Variants in EFNA5 observed in about 807,000 individuals in gnomAD.
The protein encoded by EFNA5 is ephrin A5.
Under a neutral mutation model 22.9 loss-of-function variants are expected in EFNA5, and 5 were observed. The ratio of observed to expected loss-of-function variants is 0.22; its 90% CI spans 0.11 to 0.46. The LOEUF is 0.46. Among genes scored for constraint, EFNA5 ranks in the 20% least tolerant of loss-of-function variants. EFNA5 has a pLI of 0.99. For missense variants in EFNA5, 237 were observed against 293.3 expected (o/e 0.81, Z 1.40); for synonymous variants, 113 against 112.2 (o/e 1.01, Z -0.04).
chr5:107,509,542 A>T (rs1292043234), intron 1 of EFNA5, among the ~76,000 whole-genome samples: 1 of 145,860 alleles, frequency 6.9e-6, no homozygotes, highest in Non-Finnish European at 1.5e-5. Context: ...CATGTTGGCC[A>T]AGCTGGTCTT....
At chr5:107,537,698 G>T (rs1343069728) in intron 1 of EFNA5, among the ~76,000 whole-genome samples, 1 of 152,166 alleles carries the variant, frequency 6.6e-6, no homozygotes, top group Non-Finnish European at 1.5e-5. Flanking sequence ...ACAAAAGTAA[G>T]GTTCAAAAAG....
At chr5:107,500,516 T>G (rs543737142) in intron 1 of EFNA5, among the ~76,000 whole-genome samples, 13 of 152,256 alleles carry the variant, frequency 8.5e-5, no homozygotes, top group Admixed American at 8.5e-4. Context: ...CTGACCTGAG[T>G]TCAATTTTTT....
At chr5:107,451,796 C>T (rs1292749747) in intron 1 of EFNA5, among the ~76,000 whole-genome samples, 4 of 152,094 alleles carry the variant, frequency 2.6e-5, no homozygotes, top group African/African-American at 4.8e-5. Context: ...TTAGTTCAAC[C>T]ATTGTGGAAG....
chr5:107,393,057 T>A (rs773079920), intron 2 of EFNA5, among the ~76,000 whole-genome samples: 1 of 152,262 alleles, frequency 6.6e-6, no homozygotes, highest in Non-Finnish European at 1.5e-5. Context: ...TAGCATGATG[T>A]CTCATTTTAA....
At chr5:107,546,480 T>C (rs1052384921) in intron 1 of EFNA5, among the ~76,000 whole-genome samples, 1 of 152,256 alleles carries the variant, frequency 6.6e-6, no homozygotes, top group Admixed American at 6.5e-5. Flanking sequence ...GCATATGTAC[T>C]GCGTCCGAAG....
chr5:107,398,241 C>T (rs1258847689), intron 2 of EFNA5, among the ~76,000 whole-genome samples: 1 of 152,146 alleles, frequency 6.6e-6, no homozygotes, highest in Non-Finnish European at 1.5e-5. Flanking sequence ...CTCATGTGAC[C>T]TTTCCTTTGC....
At chr5:107,652,205 A>C (rs927597403) in intron 1 of EFNA5, among the ~76,000 whole-genome samples, 1 of 152,170 alleles carries the variant, frequency 6.6e-6, no homozygotes, top group African/African-American at 2.4e-5. Context: ...CTCCACCCTG[A>C]ATAAACTACT....
chr5:107,584,795 A>G (rs1749141990), intron 1 of EFNA5, among the ~76,000 whole-genome samples: 1 of 152,314 alleles, frequency 6.6e-6, no homozygotes, highest in Admixed American at 6.5e-5. Context: ...GGAACAAATG[A>G]ACGAATGAAC....
intron 1 of EFNA5, among the ~76,000 whole-genome samples, chr5:107,433,155 A>G (rs540578204): frequency 2.0e-5 from 3 of 152,322 alleles, no homozygotes; most frequent in East Asian, 3.9e-4. Flanking sequence ...TTTCAACTAC[A>G]TGCAGGGCCA....
intron 1 of EFNA5, among the ~76,000 whole-genome samples, chr5:107,494,395 G>C (rs1746909885): frequency 6.6e-6 from 1 of 152,248 alleles, no homozygotes; most frequent in Admixed American, 6.5e-5. Flanking sequence ...CAGGCCAGCG[G>C]CTGCGGAGGG....
intron 1 of EFNA5, among the ~76,000 whole-genome samples, chr5:107,629,622 T>C (rs1351070671): frequency 6.6e-6 from 1 of 152,180 alleles, no homozygotes; most frequent in Non-Finnish European, 1.5e-5. Context: ...ATATGGGAAA[T>C]CTCTGTACCT....
intron 1 of EFNA5, among the ~76,000 whole-genome samples, chr5:107,658,095 A>G (rs181781832): frequency 6.6e-6 from 1 of 152,178 alleles, no homozygotes; most frequent in African/African-American, 2.4e-5. Flanking sequence ...AGTCTTTTAT[A>G]ACTCCATTGA....
chr5:107,432,069 C>T (rs922482958), intron 1 of EFNA5, among the ~76,000 whole-genome samples: 1 of 152,180 alleles, frequency 6.6e-6, no homozygotes, highest in African/African-American at 2.4e-5. Flanking sequence ...TTACACTGGT[C>T]TTCTAGCAGA....
Position 107,381,224 on chromosome 5 carries a change from T to A in EFNA5, c.*31A>T. On this transcript the variant is annotated 3_prime_UTR_variant, in exon 5 of 5. Coordinates refer to ENST00000333274, the MANE Select transcript of EFNA5 (RefSeq NM_001962.3). ...CTCTGGTGTTCCAAGACCCTGATGT[T>A]TTCTGTGACAAGTGATGGGAGGAGA... The A allele has an allele frequency of 6.2e-7, 1 of 1,601,276 alleles. No individual in the cohort carries two copies.
At chr5:107,491,786 T>A (rs1270753012) in intron 1 of EFNA5, among the ~76,000 whole-genome samples, 1 of 152,222 alleles carries the variant, frequency 6.6e-6, no homozygotes, top group Non-Finnish European at 1.5e-5. Flanking sequence ...TTATAGCTTT[T>A]AAGTTTTGTA....
chr5:107,406,560 C>G (rs1206725508), intron 2 of EFNA5, among the ~76,000 whole-genome samples: 5 of 152,094 alleles, frequency 3.3e-5, no homozygotes, highest in Non-Finnish European at 5.9e-5. Flanking sequence ...TACACACACA[C>G]AGGTATACAC....
chr5:107,391,747 A>C (rs545212377), intron 2 of EFNA5, among the ~76,000 whole-genome samples: 3 of 152,306 alleles, frequency 2.0e-5, no homozygotes, highest in Non-Finnish European at 4.4e-5. Context: ...CTTAATAGCA[A>C]CTTTATAAAT....
intron 1 of EFNA5, among the ~76,000 whole-genome samples, chr5:107,645,700 C>T (rs1750622346): frequency 6.6e-6 from 1 of 152,072 alleles, no homozygotes; most frequent in Admixed American, 6.6e-5. Flanking sequence ...AGAACAGCCC[C>T]CAAATGTTTA....
At chr5:107,503,235 T>G (rs1580499618) in intron 1 of EFNA5, among the ~76,000 whole-genome samples, 2 of 152,326 alleles carry the variant, frequency 1.3e-5, no homozygotes, top group South Asian at 4.1e-4. Context: ...TTGTCACCAG[T>G]TAATGAAGTC....
Sources: allele counts gnomAD v4.1 joint callset (sites outside exome capture counted in the v4.1 genomes callset), GRCh38; gene constraint gnomAD v4.1.1; transcripts MANE v1.5; gene names NCBI Gene and HGNC (gene_info 2026-07-23, HGNC 2026-07-21).